The following CIT variants were observed in gnomAD, a reference collection of about 807,000 sequenced individuals.
CIT encodes citron Rho-interacting kinase.
CIT carries 79 observed loss-of-function variants against 272.7 expected under a neutral mutation model. The ratio of observed to expected loss-of-function variants is 0.29; its 90% CI spans 0.24 to 0.35. The LOEUF (loss-of-function observed/expected upper bound fraction) is 0.35, where lower values mean the gene tolerates loss of function less well. Among genes scored for constraint, CIT ranks in the 10% least tolerant of loss-of-function variants. The pLI is 1.00. For synonymous variants in CIT, 948 were observed against 995.6 expected, an observed-to-expected ratio of 0.95 and a Z score of 0.90; for missense variants, 1,909 against 2,618.3, an observed-to-expected ratio of 0.73 and a Z score of 5.91.
At chr12:119,827,018 C>T (rs1968224312) in intron 7 of CIT, among the ~76,000 whole-genome samples, 1 of 152,164 alleles carries the variant, frequency 6.6e-6, no homozygotes, top group African/African-American at 2.4e-5. Flanking sequence ...TCTTCCCTCT[C>T]CTCTCTTTTT....
intron 5 of CIT, among the ~76,000 whole-genome samples, chr12:119,841,247 T>A (rs1297340854): frequency 6.6e-6 from 1 of 151,594 alleles, no homozygotes; most frequent in Non-Finnish European, 1.5e-5. Context: ...CCATCTTGGC[T>A]CACTGCAACC....
chr12:119,767,325 G>A (rs1257969843), intron 18 of CIT, 143 bp from the exon 19 acceptor site: 9 of 607,044 alleles, frequency 1.5e-5, no homozygotes, highest in Middle Eastern at 4.7e-4. Flanking sequence ...TAAGGCTCTT[G>A]GGAAGGAAAC....
rs1964534261 is a variant in CIT, at chr12:119,783,957, T to C, written c.1496A>G (p.Gln499Arg). 1 of 1,612,592 alleles carries C rather than the reference T, an allele frequency of 6.2e-7. No homozygotes were observed. Among genetic ancestry groups the C allele is most frequent in the Non-Finnish European group, 8.5e-7 (1 of 1,179,280 alleles). The part of the protein sequence containing the change: ...KEVELKASET[Q>R]RSLLEQDLAT... ...AAGGTCCTGCTCCAGGAGGGATCTC[T>C]GAGTCTCAGAGGCCTTCAGCTCCAC... is the stretch of plus-strand genomic sequence containing the variant. Residue 499 changes from glutamine (Q) to arginine (R), a missense_variant, in exon 12 of 48, where the codon CAG (glutamine) becomes CGG (arginine). Physicochemically the swap from Gln to Arg is conservative, Grantham distance 43. Coordinates refer to ENST00000392521, the MANE Select transcript of CIT (RefSeq NM_001206999.2).
At chr12:119,760,180 C>T (rs1185589296) in intron 20 of CIT, among the ~76,000 whole-genome samples, 1 of 142,600 alleles carries the variant, frequency 7.0e-6, no homozygotes. Context: ...GAGTGAGATT[C>T]CATCTCAAAA....
At chr12:119,809,742 G>A (rs1234366248) in intron 9 of CIT, among the ~76,000 whole-genome samples, 1 of 152,224 alleles carries the variant, frequency 6.6e-6, no homozygotes, top group Non-Finnish European at 1.5e-5. Context: ...AGGAATGAAT[G>A]CTACAGAAGG....
At chr12:119,852,512 G>A (rs1161013001) in intron 4 of CIT, among the ~76,000 whole-genome samples, 1 of 151,880 alleles carries the variant, frequency 6.6e-6, no homozygotes, top group Non-Finnish European at 1.5e-5. Context: ...TCAGGAGTTC[G>A]AGACCAGCCT....
intron 10 of CIT, among the ~76,000 whole-genome samples, chr12:119,787,487 T>G (rs1593744785): frequency 6.7e-6 from 1 of 149,762 alleles, no homozygotes; most frequent in Non-Finnish European, 1.5e-5. Context: ...ATCTCAGCAC[T>G]TTGGGGGGCC....
intron 7 of CIT, among the ~76,000 whole-genome samples, chr12:119,828,587 A>T (rs889292220): frequency 1.1e-4 from 16 of 142,834 alleles, no homozygotes; most frequent in South Asian, 8.5e-4. Context: ...TTTTTTTTTT[A>T]AAGACTGCTC....
intron 5 of CIT, 89 bp from the exon 6 acceptor site, chr12:119,834,317 A>G (rs1285333215): frequency 1.6e-6 from 2 of 1,230,510 alleles, no homozygotes; most frequent in Non-Finnish European, 2.3e-6. Context: ...CTGACGTGTT[A>G]TAATAACAAG....
At chr12:119,838,588 A>G (rs1227689027) in intron 5 of CIT, among the ~76,000 whole-genome samples, 1 of 152,142 alleles carries the variant, frequency 6.6e-6, no homozygotes, top group Non-Finnish European at 1.5e-5. Flanking sequence ...ACTGCTGAGG[A>G]GGCTGTGGAA....
intron 10 of CIT, among the ~76,000 whole-genome samples, chr12:119,789,809 C>G (rs1193167892): frequency 2.6e-5 from 4 of 152,032 alleles, no homozygotes; most frequent in African/African-American, 9.7e-5. Flanking sequence ...CGGGTTCAAG[C>G]GATTCCCCTG....
In CIT at chr12:119,782,969, G is replaced by A. The variant is rs1045192537; in HGVS notation, c.1546-332C>T. The A allele has an allele frequency of 1.6e-5, 3 of 182,830 alleles. No individual in the cohort carries two copies. The Admixed American group carries it at 1.7e-4, about 11-fold the overall frequency. The allele number at this position is 182,830 out of a possible 1,614,324, so 11.3% of individuals were successfully genotyped here. A position where few individuals can be genotyped will look rare whatever the true frequency, so the allele number is the denominator to read the frequency against. Reference sequence around the variant, plus strand: ...ACCCAGTAGCTATTACAGCCACCATGTGGATAGCTACAAAGTGTTTTCTAC... The same window carrying A: ...ACCCAGTAGCTATTACAGCCACCATATGGATAGCTACAAAGTGTTTTCTAC... On this transcript the variant is annotated intron_variant, in intron 12 of 47. Transcript: ENST00000392521.
chr12:119,858,412 G>A (rs1373203089), intron 3 of CIT, among the ~76,000 whole-genome samples: 1 of 151,894 alleles, frequency 6.6e-6, no homozygotes, highest in Non-Finnish European at 1.5e-5. Flanking sequence ...ACCTACTCAG[G>A]AGGCTGAGGC....
intron 9 of CIT, among the ~76,000 whole-genome samples, chr12:119,807,885 G>T (rs1336624806): frequency 6.7e-6 from 1 of 149,098 alleles, no homozygotes; most frequent in Non-Finnish European, 1.5e-5. Flanking sequence ...ACTGGGAAAA[G>T]CCACTAAAAA....
At chr12:119,860,822 TAAAA>T (rs561470396) in intron 3 of CIT, among the ~76,000 whole-genome samples, 2 of 136,494 alleles carry the variant, frequency 1.5e-5, no homozygotes, top group South Asian at 2.4e-4. Flanking sequence ...TATGATTACT[TAAAA>T]AAAAAAAAAA....
chr12:119,710,309 A>G lies in CIT; in HGVS notation c.5013T>C (p.Ile1671=), dbSNP rs373721136. ...LKNSLTHVPG[I]GAVFQIYIIK... is the part of the protein sequence containing the mutation. Reference sequence around the variant, plus strand: ...TAATATAAATTTGGAAGACTGCTCCAATTCCTGGGACATGGGTTAGGGAGT... The same window carrying G: ...TAATATAAATTTGGAAGACTGCTCCGATTCCTGGGACATGGGTTAGGGAGT... The change falls in exon 39 of 48, where the codon ATT becomes ATC. Residue 1671 remains isoleucine (I), a synonymous_variant. Transcript: ENST00000392521. This position sits in a 1 kb window ranked among gnomAD's most constrained non-coding sequence, Gnocchi z 5.6. 9 of 1,614,132 alleles carry G rather than the reference A, an allele frequency of 5.6e-6. No individual in the cohort carries two copies. Among genetic ancestry groups the G allele is most frequent in the Non-Finnish European group, 7.6e-6 (9 of 1,180,048 alleles).
chr12:119,871,387 G>A (rs1368946459), intron 2 of CIT, among the ~76,000 whole-genome samples: 1 of 152,168 alleles, frequency 6.6e-6, no homozygotes, highest in African/African-American at 2.4e-5. Context: ...TGAGTGCTTT[G>A]TTACACAGCA....
At chr12:119,726,011 CGTGTGTGT>C (rs3999591) in intron 28 of CIT, among the ~76,000 whole-genome samples, 1 of 149,902 alleles carries the variant, frequency 6.7e-6, no homozygotes, top group South Asian at 2.1e-4. Flanking sequence ...ACCAAATATA[CGTGTGTGT>C]GTGTGTGTGT....
chr12:119,805,271 C>G (rs1966525758), intron 9 of CIT, among the ~76,000 whole-genome samples: 1 of 152,208 alleles, frequency 6.6e-6, no homozygotes, highest in Non-Finnish European at 1.5e-5. Context: ...CCACCACTTA[C>G]TAGTTCTGTG....
Sources: gnomAD v4.1 joint callset for allele counts (sites outside exome capture counted in the v4.1 genomes callset) on GRCh38, gnomAD v4.1.1 for gene constraint, Gnocchi (gnomAD v3.1) non-coding constraint, MANE v1.5 for transcripts, NCBI Gene and HGNC (gene_info 2026-07-23, HGNC 2026-07-21) for gene names.